The following GHR variants were observed in gnomAD, a reference collection of about 807,000 sequenced individuals.
The protein encoded by GHR is GH receptor.
In GHR, 35 loss-of-function variants were observed where a neutral mutation model predicts 67.1. The ratio of observed to expected loss-of-function variants is 0.52; its 90% CI spans 0.40 to 0.69. The LOEUF (loss-of-function observed/expected upper bound fraction) is 0.69, where lower values mean the gene tolerates loss of function less well. Among genes scored for constraint, GHR ranks in the 30% least tolerant of loss-of-function variants. GHR has a pLI of 0.00. For missense variants in GHR, 792 were observed against 764.6 expected, an observed-to-expected ratio of 1.04 and a Z score of -0.42; for synonymous variants, 272 against 269.1, an observed-to-expected ratio of 1.01 and a Z score of -0.10.
chr5:42,603,516 G>A (rs1217141010), intron 2 of GHR, among the ~76,000 whole-genome samples: 1 of 151,962 alleles, frequency 6.6e-6, no homozygotes, highest in Non-Finnish European at 1.5e-5. Context: ...ATTCCCTTAA[G>A]CTATCTTTAC....
At chr5:42,519,389 A>G (rs1747378211) in intron 1 of GHR, among the ~76,000 whole-genome samples, 1 of 152,232 alleles carries the variant, frequency 6.6e-6, no homozygotes, top group South Asian at 2.1e-4. Flanking sequence ...GTTTAGAACT[A>G]GTAAAAGAAT....
intron 6 of GHR, 138 bp downstream of exon 6, chr5:42,700,140 A>G (rs1197203730): frequency 4.5e-6 from 3 of 671,894 alleles, no homozygotes; most frequent in East Asian, 5.6e-5. Context: ...TTGAGAAAAC[A>G]TTATTTAACC....
At chr5:42,617,706 G>T (rs1270024623) in intron 2 of GHR, among the ~76,000 whole-genome samples, 1 of 152,124 alleles carries the variant, frequency 6.6e-6, no homozygotes, top group Non-Finnish European at 1.5e-5. Context: ...ATATGGGGCA[G>T]GTTGCCCCTT....
chr5:42,565,725 G>A, intron 1 of GHR, 139 bp from the exon 2 acceptor site: 1 of 1,552,964 alleles, frequency 6.4e-7, no homozygotes, highest in Non-Finnish European at 8.7e-7. Flanking sequence ...AGACTCTGGG[G>A]CAGTGAAAGA....
At chr5:42,453,550 A>G (rs1744137923) in intron 1 of GHR, among the ~76,000 whole-genome samples, 1 of 152,160 alleles carries the variant, frequency 6.6e-6, no homozygotes, top group Non-Finnish European at 1.5e-5. Flanking sequence ...AAAGAAAACT[A>G]TTCACCTCAC....
chr5:42,651,145 G>T (rs1755001153), intron 3 of GHR, among the ~76,000 whole-genome samples: 1 of 152,156 alleles, frequency 6.6e-6, no homozygotes, highest in African/African-American at 2.4e-5. Context: ...AGCTACTCAG[G>T]ATTTGATGCC....
intron 8 of GHR, chr5:42,714,345 T>A (rs1039845653): frequency 6.6e-6 from 1 of 152,180 alleles, no homozygotes; most frequent in Non-Finnish European, 1.5e-5. Context: ...AATCCCTCAG[T>A]TCCAGGTAAC....
chr5:42,667,936 A>G (rs529937860), intron 3 of GHR, among the ~76,000 whole-genome samples: 1 of 152,268 alleles, frequency 6.6e-6, no homozygotes, highest in Non-Finnish European at 1.5e-5. Flanking sequence ...TTTCTGTGAT[A>G]TTCTGAAGCA....
chr5:42,717,443 T>C (rs1758774517), intron 8 of GHR, among the ~76,000 whole-genome samples: 1 of 152,240 alleles, frequency 6.6e-6, no homozygotes, highest in African/African-American at 2.4e-5. Flanking sequence ...CCTAGAATTG[T>C]ATATATAAAC....
chr5:42,615,514 T>C (rs1043704493), intron 2 of GHR, among the ~76,000 whole-genome samples: 2 of 152,082 alleles, frequency 1.3e-5, no homozygotes, highest in Admixed American at 6.6e-5. Flanking sequence ...TATAAATGTA[T>C]TGACAAATGA....
intron 2 of GHR, among the ~76,000 whole-genome samples, chr5:42,570,051 A>G (rs868864020): frequency 3.5e-5 from 5 of 143,440 alleles, no homozygotes; most frequent in Admixed American, 6.7e-5. Context: ...TTTTTAAAAT[A>G]AACTCTATTC....
rs771232697 is a variant in GHR at position 42,688,884 on chromosome 5, C to G, written c.137-6C>G. The stretch of plus-strand genomic sequence containing the variant: ...TCATGCCTTGCCTTTTCTTTTTATT[C>G]TGCAGATTCTTCTAAGGAGCCTAAA... On this transcript the variant is annotated splice_polypyrimidine_tract_variant and splice_region_variant and intron_variant, in intron 3 of 9. Transcript: ENST00000230882. 2 of 1,613,478 alleles carry G rather than the reference C, an allele frequency of 1.2e-6. No homozygotes were observed. The highest frequency in any genetic ancestry group is 1.7e-6 in the Non-Finnish European group (2 of 1,179,500).
intron 2 of GHR, among the ~76,000 whole-genome samples, chr5:42,627,552 T>C (rs1427510927): frequency 6.6e-6 from 1 of 152,256 alleles, no homozygotes; most frequent in Non-Finnish European, 1.5e-5. Context: ...TATAAGTGAC[T>C]GTGGCCCCAT....
At chr5:42,476,138 C>T (rs1304652374) in intron 1 of GHR, among the ~76,000 whole-genome samples, 3 of 151,908 alleles carry the variant, frequency 2.0e-5, no homozygotes, top group Non-Finnish European at 4.4e-5. Flanking sequence ...CTCCTGACCT[C>T]GTGATTTGCC....
chr5:42,550,888 G>T (rs574662892), intron 1 of GHR, among the ~76,000 whole-genome samples: 19 of 152,186 alleles, frequency 1.2e-4, no homozygotes, highest in Admixed American at 1.1e-3. Flanking sequence ...CCAACACCCG[G>T]CACCCTCAGG....
intron 1 of GHR, among the ~76,000 whole-genome samples, chr5:42,504,376 A>T (rs1377696931): frequency 6.6e-6 from 1 of 152,130 alleles, no homozygotes; most frequent in Non-Finnish European, 1.5e-5. Context: ...GTGTAGGTAA[A>T]TCCCATCTTT....
chr5:42,676,036 C>T (rs1756557416), intron 3 of GHR, among the ~76,000 whole-genome samples: 1 of 152,138 alleles, frequency 6.6e-6, no homozygotes, highest in Admixed American at 6.5e-5. Flanking sequence ...CCTGTAATCC[C>T]AGCACTTTGG....
At chr5:42,653,745 T>G (rs1755118976) in intron 3 of GHR, among the ~76,000 whole-genome samples, 1 of 152,130 alleles carries the variant, frequency 6.6e-6, no homozygotes. Flanking sequence ...TAGGGGGATA[T>G]TAAGCCTTCT....
chr5:42,662,024 G>A (rs1180910491), intron 3 of GHR, among the ~76,000 whole-genome samples: 1 of 152,152 alleles, frequency 6.6e-6, no homozygotes, highest in East Asian at 1.9e-4. Flanking sequence ...TTACATAATG[G>A]TAAAGGGATC....
Sources: allele counts gnomAD v4.1 joint callset (sites outside exome capture counted in the v4.1 genomes callset), GRCh38; gene constraint gnomAD v4.1.1; transcripts MANE v1.5; gene names NCBI Gene and HGNC (gene_info 2026-07-23, HGNC 2026-07-21).